The following LEF1 variants were observed in gnomAD, a reference collection of about 807,000 sequenced individuals.
LEF1 encodes the protein lymphoid enhancer-binding factor 1.
Under a neutral mutation model 51.2 loss-of-function variants are expected in LEF1, and 14 were observed. The observed-to-expected ratio is 0.27, with a 90% CI of 0.18 to 0.43. The LOEUF is 0.43. Ranked by LOEUF, LEF1 falls within the 20% of genes least tolerant of loss-of-function variation. LEF1 has a pLI of 1.00. For missense variants in LEF1, 386 were observed against 512.0 expected, an observed-to-expected ratio of 0.75 and a Z score of 2.37; for synonymous variants, 185 against 183.2, an observed-to-expected ratio of 1.01 and a Z score of -0.08.
intron 8 of LEF1, chr4:108,075,508 C>G (rs536062668): frequency 7.2e-5 from 11 of 152,262 alleles, no homozygotes; most frequent in African/African-American, 2.6e-4. Context: ...AACACAGGGT[C>G]ACAAATTAAG....
chr4:108,072,293 C>T (rs62312238), intron 8 of LEF1: 6,393 of 152,374 alleles, frequency 0.042, 168 homozygotes, highest in Non-Finnish European at 0.062. Context: ...AACTTGGGCT[C>T]AGCCCCTAAA....
At chr4:108,063,574 CT>C in intron 11 of LEF1, 48 bp downstream of exon 11, 2 of 1,464,418 alleles carry the variant, frequency 1.4e-6, no homozygotes, top group South Asian at 1.2e-5. Flanking sequence ...GCAAGTGCCT[CT>C]TTTTATAACA....
chr4:108,078,583 G>A, intron 7 of LEF1: 2 of 618,292 alleles, frequency 3.2e-6, no homozygotes, highest in Non-Finnish European at 5.7e-6. Context: ...CCATCCAATA[G>A]GGCTTCCTAT....
At chr4:108,166,559 C>T (rs888405371) in intron 1 of LEF1, 1 of 1,216,814 alleles carries the variant, frequency 8.2e-7, no homozygotes, top group African/African-American at 1.6e-5. Flanking sequence ...CCCCCTAGAC[C>T]AGCTCTGGAC....
chr4:108,143,720 G>A (rs1743819173), intron 3 of LEF1, among the ~76,000 whole-genome samples: 1 of 152,130 alleles, frequency 6.6e-6, no homozygotes, highest in Admixed American at 6.5e-5. Context: ...TTAGTCACCT[G>A]AACAGCATGT....
At chr4:108,165,016 C>T in intron 2 of LEF1, 81 bp downstream of exon 2, 1 of 1,303,484 alleles carries the variant, frequency 7.7e-7, no homozygotes, top group Admixed American at 1.7e-5. Flanking sequence ...TTCTTGAACT[C>T]AAAAGTAACA....
chr4:108,126,212 A>C (rs1026271975), intron 3 of LEF1, among the ~76,000 whole-genome samples: 8 of 152,174 alleles, frequency 5.3e-5, no homozygotes, highest in Non-Finnish European at 1.2e-4. Flanking sequence ...AATAAAAAAA[A>C]CCAGAGATTT....
chr4:108,059,601 T>C (rs957605240), intron 11 of LEF1, among the ~76,000 whole-genome samples: 1 of 152,166 alleles, frequency 6.6e-6, no homozygotes, highest in African/African-American at 2.4e-5. Flanking sequence ...ATTACCAGCA[T>C]GAGCCACTGC....
chr4:108,132,810 A>C (rs763549359), intron 3 of LEF1, among the ~76,000 whole-genome samples: 1 of 150,534 alleles, frequency 6.6e-6, no homozygotes. Context: ...CTAGAACTAT[A>C]GGCATGTACC....
At chr4:108,065,444 ACTGGGCCACAGAGTGAGC>A (rs576727739) in intron 9 of LEF1, among the ~76,000 whole-genome samples, 42 of 152,198 alleles carry the variant, frequency 2.8e-4, no homozygotes, top group South Asian at 2.1e-4. Context: ...GGATTGCTCC[ACTGGGCCACAGAGTGAGC>A]CTGGGCCACA....
chr4:108,077,353 C>T (rs1037035641), intron 8 of LEF1, among the ~76,000 whole-genome samples: 3 of 151,986 alleles, frequency 2.0e-5, no homozygotes, highest in African/African-American at 7.2e-5. Context: ...AAGAGAGAAG[C>T]GCCTCTGCCC....
At chr4:108,158,918 G>A (rs762256856) in intron 3 of LEF1, among the ~76,000 whole-genome samples, 14 of 151,712 alleles carry the variant, frequency 9.2e-5, no homozygotes, top group Non-Finnish European at 1.2e-4. Flanking sequence ...GTATGGGAGT[G>A]GAAAAAATAC....
intron 8 of LEF1, among the ~76,000 whole-genome samples, chr4:108,072,495 C>T (rs993250791): frequency 7.9e-5 from 12 of 152,176 alleles, no homozygotes; most frequent in Non-Finnish European, 1.8e-4. Context: ...GTCAGGCAGT[C>T]TGTGCTGAAG....
intron 3 of LEF1, among the ~76,000 whole-genome samples, chr4:108,157,751 T>C (rs1744822668): frequency 6.6e-6 from 1 of 152,236 alleles, no homozygotes; most frequent in Non-Finnish European, 1.5e-5. Flanking sequence ...CCTTGCAATT[T>C]TCCCTATACA....
At chr4:108,130,725 G>A (rs1316542182) in intron 3 of LEF1, among the ~76,000 whole-genome samples, 6 of 142,270 alleles carry the variant, frequency 4.2e-5, no homozygotes, top group South Asian at 2.2e-4. Flanking sequence ...GTGAGACTCC[G>A]ACTCAAAAAA....
intron 8 of LEF1, among the ~76,000 whole-genome samples, chr4:108,071,282 C>T (rs1738460143): frequency 6.6e-6 from 1 of 152,172 alleles, no homozygotes; most frequent in South Asian, 2.1e-4. Flanking sequence ...ATATGATTAT[C>T]TATAAAGAAG....
At chr4:108,093,232 A>T (rs1485002984) in intron 3 of LEF1, among the ~76,000 whole-genome samples, 8 of 152,132 alleles carry the variant, frequency 5.3e-5, no homozygotes, top group Non-Finnish European at 2.9e-5. Flanking sequence ...ACTGAATACA[A>T]TGGGAATGAA....
intron 1 of LEF1, among the ~76,000 whole-genome samples, chr4:108,165,438 G>A (rs1745325518): frequency 6.6e-6 from 1 of 152,180 alleles, no homozygotes; most frequent in African/African-American, 2.4e-5. Flanking sequence ...TGATCCACAT[G>A]CTGTTCTGAC....
At chr4:108,125,983 T>A (rs552104064) in intron 3 of LEF1, among the ~76,000 whole-genome samples, 43 of 152,330 alleles carry the variant, frequency 2.8e-4, no homozygotes, top group African/African-American at 9.9e-4. Context: ...ATTACAATGT[T>A]TAAGTACTTA....
Sources: allele counts gnomAD v4.1 joint callset (sites outside exome capture counted in the v4.1 genomes callset), GRCh38; gene constraint gnomAD v4.1.1; transcripts MANE v1.5; gene names NCBI Gene and HGNC (gene_info 2026-07-23, HGNC 2026-07-21).